The following TRPM7 variants were observed in gnomAD, a reference collection of about 807,000 sequenced individuals.
TRPM7 encodes transient receptor potential cation channel subfamily M member 7, also known as LTRPC ion channel family member 7.
A neutral mutation model predicts 229.7 loss-of-function variants in TRPM7; 134 were observed. That is an observed-to-expected ratio of 0.58 (90% CI 0.51 to 0.67). The LOEUF (loss-of-function observed/expected upper bound fraction) is 0.67. Ranked by LOEUF, TRPM7 falls within the 30% of genes least tolerant of loss-of-function variation. The pLI is 0.00. For synonymous variants in TRPM7, 699 were observed against 715.2 expected (o/e 0.98, Z 0.36); for missense variants, 1,901 against 2,210.0 (o/e 0.86, Z 2.80).
intron 5 of TRPM7, among the ~76,000 whole-genome samples, chr15:50,640,452 T>TA (rs2061064893): frequency 6.9e-6 from 1 of 145,616 alleles, no homozygotes; most frequent in South Asian, 2.2e-4. Context: ...AATTTTTTTT[T>TA]CTTTTTTTTT....
intron 31 of TRPM7, among the ~76,000 whole-genome samples, chr15:50,577,418 A>T (rs2054187444): frequency 6.6e-6 from 1 of 152,026 alleles, no homozygotes; most frequent in Non-Finnish European, 1.5e-5. Context: ...GTGGTGGTGC[A>T]TGCCTGTAAT....
intron 1 of TRPM7, among the ~76,000 whole-genome samples, chr15:50,672,524 C>G (rs546221489): frequency 3.7e-4 from 57 of 152,216 alleles, no homozygotes; most frequent in Non-Finnish European, 7.8e-4. Context: ...TACTGATGAT[C>G]CTGACCCCGT....
chr15:50,574,251 T>C (rs1161597022), intron 36 of TRPM7, 23 bp downstream of exon 36: 11 of 1,583,822 alleles, frequency 6.9e-6, no homozygotes, highest in Non-Finnish European at 9.5e-6. Context: ...AATTTCACCT[T>C]AGCAATATTT....
intron 28 of TRPM7, among the ~76,000 whole-genome samples, chr15:50,585,378 T>C (rs3131596): frequency 0.33 from 49,904 of 151,954 alleles, 9,964 homozygotes; most frequent in Admixed American, 0.47. Flanking sequence ...TTTATTTTAC[T>C]TGCTTTACTG....
intron 38 of TRPM7, 143 bp downstream of exon 38, chr15:50,569,744 A>G (rs1265853121): frequency 4.1e-6 from 2 of 488,910 alleles, no homozygotes; most frequent in Non-Finnish European, 7.3e-6. Flanking sequence ...TATAACCAAC[A>G]ATATGTATTT....
At position 50,574,646 on chromosome 15, in the gene TRPM7, T is replaced by C. The variant is rs750849159; in HGVS notation, c.5093A>G (p.Tyr1698Cys). The change falls in exon 35 of 39, where the codon TAT becomes TGT. Residue 1698 changes from tyrosine to cysteine, a missense_variant. Physicochemically the swap from Tyr to Cys is radical, Grantham distance 194 (BLOSUM62 -2). This residue lies in a region of TRPM7 where 257 missense variants were observed against 352.0 expected (regional missense o/e 0.73). Transcript: ENST00000646667. ...FNQMKPKSIP[Y>C]SPRFLEVFLL... ...AAAATTAAAGATTTACCTTGGAGAA[T>C]ATGGTATGGATTTGGGTTTCATTTG... 4.3e-6 allele frequency: 7 copies of C among 1,613,012 alleles called. No homozygotes were observed. Among genetic ancestry groups the C allele is most frequent in the Non-Finnish European group, 5.1e-6 (6 of 1,179,578 alleles).
chr15:50,650,515 T>C (rs1283995442), intron 3 of TRPM7, among the ~76,000 whole-genome samples: 2 of 151,860 alleles, frequency 1.3e-5, no homozygotes, highest in Non-Finnish European at 2.9e-5. Flanking sequence ...ACCAATATGG[T>C]GAAACTCTGT....
intron 6 of TRPM7, among the ~76,000 whole-genome samples, chr15:50,638,291 G>A (rs1214938832): frequency 1.4e-5 from 2 of 143,352 alleles, no homozygotes; most frequent in East Asian, 4.4e-4. Context: ...CCCGGGAGGC[G>A]GAGCTTGCAG....
chr15:50,682,683 A>G (rs769372490), intron 1 of TRPM7, among the ~76,000 whole-genome samples: 7 of 152,182 alleles, frequency 4.6e-5, no homozygotes, highest in African/African-American at 1.2e-4. Context: ...AGAACTAATC[A>G]TATTTGTATA....
intron 1 of TRPM7, among the ~76,000 whole-genome samples, chr15:50,673,139 A>C (rs542368502): frequency 2.2e-4 from 33 of 152,176 alleles, no homozygotes; most frequent in African/African-American, 7.5e-4. Context: ...TCAAGTCTAC[A>C]TAAGTGTAAT....
intron 28 of TRPM7, 112 bp downstream of exon 28, chr15:50,586,278 TTC>T: frequency 1.6e-6 from 1 of 611,458 alleles, no homozygotes; most frequent in Non-Finnish European, 2.8e-6. Flanking sequence ...GATCAGAATT[TTC>T]GTCTTCTGAC....
rs2414073 is a variant in TRPM7, at chr15:50,558,361, A to C, written c.*3317T>G. 72,495 of 151,670 alleles carry C rather than the reference A, an allele frequency of 0.48. 17,509 individuals carry two copies. The highest frequency in any genetic ancestry group is 0.56 in the Admixed American group (8,491 of 15,252). The allele number at this position is 151,670 out of a possible 1,614,324, so 9.4% of individuals were successfully genotyped here. On this transcript the variant is annotated 3_prime_UTR_variant, in exon 39 of 39. Transcript: ENST00000646667. The stretch of plus-strand genomic sequence containing the variant: ...GAATTTGAGACCAGCGTGGGCAACA[A>C]GGCTAGACCCCATCTCTACAAAATA...
chr15:50,610,560 A>G (rs1212514524), intron 17 of TRPM7, among the ~76,000 whole-genome samples: 3 of 152,156 alleles, frequency 2.0e-5, no homozygotes, highest in Admixed American at 2.0e-4. Flanking sequence ...TAAAAGATAT[A>G]AGATAACAAA....
Position 50,569,875 on chromosome 15 carries a change from G to A in TRPM7, c.5467+12C>T, listed in dbSNP as rs762018197. ...ACAATTTATATACTATACTGATTAAGAAATTTTTTACCTGGAAGTTTAAGC... is the reference window on the plus strand; with the variant it reads ...ACAATTTATATACTATACTGATTAAAAAATTTTTTACCTGGAAGTTTAAGC... On this transcript the variant is annotated intron_variant, in intron 38 of 38. Coordinates refer to ENST00000646667, the MANE Select transcript of TRPM7 (RefSeq NM_017672.6). 8.2e-6 allele frequency: 13 copies of A among 1,585,164 alleles called. No individual in the cohort carries two copies. The South Asian group carries it at 1.5e-4, about 18-fold the overall frequency.
chr15:50,634,743 G>A (rs999343849), intron 7 of TRPM7, among the ~76,000 whole-genome samples, 187 bp from the exon 8 acceptor site: 7 of 152,186 alleles, frequency 4.6e-5, no homozygotes, highest in African/African-American at 1.2e-4. Flanking sequence ...ACCAGTTCAC[G>A]TAAGTAAATT....
intron 12 of TRPM7, among the ~76,000 whole-genome samples, chr15:50,621,184 CTATT>C (rs1451853011): frequency 2.1e-5 from 3 of 140,642 alleles, no homozygotes; most frequent in Non-Finnish European, 4.7e-5. Context: ...AAAAAAAAAC[CTATT>C]TATTTAGTCG....
intron 13 of TRPM7, among the ~76,000 whole-genome samples, chr15:50,614,515 A>T (rs1037041317): frequency 3.3e-5 from 5 of 152,070 alleles, no homozygotes; most frequent in Non-Finnish European, 7.4e-5. Flanking sequence ...ATACAAAAAA[A>T]TTAGCCAGGC....
intron 34 of TRPM7, 24 bp downstream of exon 34, chr15:50,574,828 T>A: frequency 6.3e-7 from 1 of 1,598,242 alleles, no homozygotes; most frequent in African/African-American, 1.4e-5. Context: ...TATGTTCCAC[T>A]ATTAAATATT....
intron 4 of TRPM7, among the ~76,000 whole-genome samples, chr15:50,647,154 A>G (rs765013765): frequency 6.6e-4 from 100 of 152,044 alleles, no homozygotes; most frequent in Non-Finnish European, 1.6e-4. Context: ...TTTTTTTGAG[A>G]CAGTCTTGCT....
Sources: allele counts gnomAD v4.1 joint callset (sites outside exome capture counted in the v4.1 genomes callset), GRCh38; gene constraint gnomAD v4.1.1; regional missense constraint gnomAD v4.1.1; transcripts MANE v1.5; gene names NCBI Gene and HGNC (gene_info 2026-07-23, HGNC 2026-07-21).